The following SLMAP variants were observed in gnomAD, a reference collection of about 807,000 sequenced individuals.
The protein encoded by SLMAP is sarcolemma associated protein.
SLMAP carries 44 observed loss-of-function variants against 128.8 expected under a neutral mutation model. The observed-to-expected ratio is 0.34, with a 90% CI of 0.27 to 0.44. SLMAP has a LOEUF of 0.44. Among genes scored for constraint, SLMAP ranks in the 20% least tolerant of loss-of-function variants. The pLI, the probability that SLMAP is intolerant of heterozygous loss-of-function variation, is 1.00. For missense variants in SLMAP, 787 were observed against 985.3 expected (o/e 0.80, Z 2.69); for synonymous variants, 327 against 348.8 (o/e 0.94, Z 0.70).
chr3:57,886,376 G>A (rs554989087), intron 14 of SLMAP, among the ~76,000 whole-genome samples: 1 of 152,280 alleles, frequency 6.6e-6, no homozygotes, highest in African/African-American at 2.4e-5. Context: ...TGGGATTACA[G>A]GCATGAGCCA....
intron 2 of SLMAP, among the ~76,000 whole-genome samples, chr3:57,827,577 G>A (rs114940708): frequency 3.8e-4 from 58 of 152,314 alleles, no homozygotes; most frequent in African/African-American, 1.3e-3. Flanking sequence ...TTAAAACAAT[G>A]AAAGTGCTGC....
intron 2 of SLMAP, among the ~76,000 whole-genome samples, chr3:57,809,908 G>A (rs893870432): frequency 6.6e-6 from 1 of 152,176 alleles, no homozygotes; most frequent in African/African-American, 2.4e-5. Flanking sequence ...CCTGGACACA[G>A]CACAAGAACT....
At chr3:57,798,625 G>A (rs2087375085) in intron 2 of SLMAP, among the ~76,000 whole-genome samples, 1 of 152,150 alleles carries the variant, frequency 6.6e-6, no homozygotes, top group Non-Finnish European at 1.5e-5. Context: ...TCAGCTAAAA[G>A]TTGGTAAAGC....
At chr3:57,779,258 A>C (rs2082513265) in intron 2 of SLMAP, among the ~76,000 whole-genome samples, 1 of 152,146 alleles carries the variant, frequency 6.6e-6, no homozygotes, top group South Asian at 2.1e-4. Context: ...TTGTATTCTC[A>C]GCATTTTGGG....
Position 57,757,746 on chromosome 3 carries a change from G to T in SLMAP, c.95G>T (p.Arg32Leu). The T allele has an allele frequency of 6.2e-7, 1 of 1,614,144 alleles. No individual in the cohort carries two copies. The highest frequency in any genetic ancestry group is 8.5e-7 in the Non-Finnish European group (1 of 1,180,024). The change falls in exon 2 of 25, where the codon CGC (arginine) becomes CTC (leucine). Residue 32 changes from arginine to leucine, a missense_variant. By Grantham distance (102) the Arg-to-Leu change is moderately radical. Around this residue, in one of 2 missense-constraint regions of SLMAP, gnomAD observed 72 missense variants for 141.8 expected, o/e 0.51. Transcript: ENST00000671191. ...VYLDEPIKIGRSVARCRPAQN... is the reference protein window; with the variant it reads ...VYLDEPIKIGLSVARCRPAQN... ...CTGGACGAGCCCATCAAAATCGGCC[G>T]CTCAGTGGCCCGCTGTCGACCAGCG... is the stretch of plus-strand genomic sequence containing the variant.
At chr3:57,823,887 T>A (rs893413636) in intron 2 of SLMAP, among the ~76,000 whole-genome samples, 7 of 152,200 alleles carry the variant, frequency 4.6e-5, no homozygotes, top group Non-Finnish European at 8.8e-5. Context: ...ACCTGTTGTT[T>A]CCTGACATTT....
At chr3:57,811,314 C>T (rs1387568665) in intron 2 of SLMAP, among the ~76,000 whole-genome samples, 1 of 152,124 alleles carries the variant, frequency 6.6e-6, no homozygotes, top group Non-Finnish European at 1.5e-5. Flanking sequence ...CCTGAAACTA[C>T]CTCAAATAAG....
At chr3:57,824,408 C>T (rs1352140246) in intron 2 of SLMAP, among the ~76,000 whole-genome samples, 3 of 152,120 alleles carry the variant, frequency 2.0e-5, no homozygotes, top group Non-Finnish European at 4.4e-5. Flanking sequence ...ATATTTAACT[C>T]TTTAATTTAT....
intron 2 of SLMAP, among the ~76,000 whole-genome samples, chr3:57,789,276 C>T (rs952521974): frequency 1.3e-5 from 2 of 151,838 alleles, no homozygotes; most frequent in Non-Finnish European, 2.9e-5. Flanking sequence ...GTGGGGATTG[C>T]GGGGCGAGGG....
rs1359247172 is a variant in SLMAP at position 57,912,687 on chromosome 3, C to T, written c.2006C>T (p.Ala669Val). The T allele has an allele frequency of 1.2e-6, 2 of 1,610,036 alleles. No homozygotes were observed. The highest frequency in any genetic ancestry group is 3.3e-5 in the Admixed American group (2 of 59,910). Residue 669 changes from alanine to valine, a missense_variant, in exon 20 of 25, where the codon GCA becomes GTA. Coordinates refer to ENST00000671191, the MANE Select transcript of SLMAP (RefSeq NM_001377540.1). ...QQCEDQQREE[A>V]TRLQGELEKL... ...TGTGAGGACCAGCAGAGAGAAGAAGCAACAAGGTTGCAAGGTGAATAAATG... is the reference window on the plus strand; with the variant it reads ...TGTGAGGACCAGCAGAGAGAAGAAGTAACAAGGTTGCAAGGTGAATAAATG...
intron 2 of SLMAP, among the ~76,000 whole-genome samples, chr3:57,827,819 G>T (rs2093030619): frequency 6.6e-6 from 1 of 152,032 alleles, no homozygotes; most frequent in African/African-American, 2.4e-5. Flanking sequence ...ATAGAAGAAG[G>T]TTATCAGCAT....
At chr3:57,884,126 G>A (rs372663356) in intron 14 of SLMAP, among the ~76,000 whole-genome samples, 2 of 152,036 alleles carry the variant, frequency 1.3e-5, no homozygotes, top group South Asian at 2.1e-4. Flanking sequence ...ACAGGGTTTT[G>A]TCATGTTGCC....
chr3:57,889,838 C>G (rs1435229197), intron 14 of SLMAP, among the ~76,000 whole-genome samples: 1 of 152,112 alleles, frequency 6.6e-6, no homozygotes, highest in African/African-American at 2.4e-5. Context: ...TCTGCCTGCC[C>G]CTAGTTTTCT....
intron 22 of SLMAP, among the ~76,000 whole-genome samples, chr3:57,920,061 C>G (rs1291390700): frequency 6.6e-6 from 1 of 152,124 alleles, no homozygotes; most frequent in East Asian, 1.9e-4. Context: ...TAAGGGAAAA[C>G]TTGTCAACAA....
At chr3:57,842,636 T>G (rs2093993116) in intron 4 of SLMAP, among the ~76,000 whole-genome samples, 1 of 152,152 alleles carries the variant, frequency 6.6e-6, no homozygotes, top group Non-Finnish European at 1.5e-5. Context: ...TGTTCTCAGG[T>G]TCCATCTAGT....
intron 13 of SLMAP, among the ~76,000 whole-genome samples, chr3:57,865,686 C>G (rs1192159411): frequency 6.6e-6 from 1 of 152,156 alleles, no homozygotes; most frequent in Non-Finnish European, 1.5e-5. Flanking sequence ...AGCCCTTGGA[C>G]ATATCATAGA....
intron 2 of SLMAP, among the ~76,000 whole-genome samples, chr3:57,766,663 A>G (rs2079800263): frequency 6.6e-6 from 1 of 151,638 alleles, no homozygotes. Flanking sequence ...CTTTTTTTCT[A>G]GCTCTCTCTT....
rs1482334780 is a variant in SLMAP at position 57,841,339 on chromosome 3, A to G, written c.387A>G (p.Leu129=). 1.9e-6 allele frequency: 3 copies of G among 1,610,390 alleles called. No homozygotes were observed. The highest frequency in any genetic ancestry group is 2.5e-6 in the Non-Finnish European group (3 of 1,177,892). Residue 129 remains leucine, a synonymous_variant, in exon 4 of 25, where the codon CTA becomes CTG. Coordinates refer to ENST00000671191, the MANE Select transcript of SLMAP (RefSeq NM_001377540.1). ...TTGTTTCCACAATAAAACTTTTTCT[A>G]CCAGATGGTATGGAAGCCCGGCTCC... The part of the protein sequence containing the change: ...GCIVSTIKLF[L]PDGMEARLRS...
At chr3:57,918,867 G>T (rs1453826450) in intron 22 of SLMAP, among the ~76,000 whole-genome samples, 2 of 152,134 alleles carry the variant, frequency 1.3e-5, no homozygotes, top group Non-Finnish European at 2.9e-5. Flanking sequence ...GCCCACATAT[G>T]ATTCTTTTTA....
Sources: allele counts gnomAD v4.1 joint callset (sites outside exome capture counted in the v4.1 genomes callset), GRCh38; gene constraint gnomAD v4.1.1; regional missense constraint gnomAD v4.1.1; transcripts MANE v1.5; gene names NCBI Gene and HGNC (gene_info 2026-07-23, HGNC 2026-07-21).